LRRC37A2: variants seen among roughly 807,000 people sequenced by gnomAD.
LRRC37A2 encodes the protein leucine-rich repeat-containing protein 37A2.
In LRRC37A2, 9 loss-of-function variants were observed where a neutral mutation model predicts 68.8. That is an observed-to-expected ratio of 0.13 (90% confidence interval 0.08 to 0.23). LRRC37A2 has a LOEUF of 0.23. LRRC37A2 is among the 10% of genes least tolerant of loss of function. The probability of loss-of-function intolerance (pLI) is 1.00; values close to 1 mark genes in which losing one functional copy is unlikely to be tolerated. For synonymous variants in LRRC37A2, 63 were observed against 367.6 expected (o/e 0.17, Z 9.48); for missense variants, 168 against 950.4 (o/e 0.18, Z 10.82).
the LRRC37A2 span, chr17:46,940,595 G>T: frequency 3.1e-6 from 5 of 1,614,172 alleles, no homozygotes; most frequent in Non-Finnish European, 4.2e-6. Context: ...TTGGAGGAAG[G>T]TCTGCAGGGA....
chr17:46,657,480 A>G, the LRRC37A2 span, among the ~76,000 whole-genome samples: 6 of 148,836 alleles, frequency 4.0e-5, no homozygotes, highest in African/African-American at 1.2e-4. Context: ...AAAAATGGGA[A>G]GATAGACTAG....
chr17:46,954,473 G>T, the LRRC37A2 span, among the ~76,000 whole-genome samples: 1 of 152,192 alleles, frequency 6.6e-6, no homozygotes, highest in Admixed American at 6.5e-5. Flanking sequence ...GCAGTGTGAT[G>T]CCTCCAGCTT....
At chr17:46,767,504 C>G in the LRRC37A2 span, among the ~76,000 whole-genome samples, 3 of 152,070 alleles carry the variant, frequency 2.0e-5, no homozygotes, top group Admixed American at 1.3e-4. Context: ...CATTTTGGCT[C>G]GCTGCTTGAG....
At chr17:46,788,188 C>T in the LRRC37A2 span, among the ~76,000 whole-genome samples, 45 of 152,290 alleles carry the variant, frequency 3.0e-4, no homozygotes, top group South Asian at 8.5e-3. Flanking sequence ...TGGAGCTTGG[C>T]CATCTGTTTC....
the LRRC37A2 span, among the ~76,000 whole-genome samples, chr17:46,845,486 T>A: frequency 1.1e-5 from 1 of 88,726 alleles, no homozygotes; most frequent in Non-Finnish European, 2.2e-5. Context: ...GTTATCTGAA[T>A]TTTTTTTTTT....
chr17:47,044,581 A>T, the LRRC37A2 span, among the ~76,000 whole-genome samples: 10 of 151,516 alleles, frequency 6.6e-5, no homozygotes, highest in Non-Finnish European at 1.3e-4. Flanking sequence ...CACGGAAAGC[A>T]AATGTGGCAA....
chr17:46,783,242 C>T, the LRRC37A2 span, among the ~76,000 whole-genome samples: 43 of 152,178 alleles, frequency 2.8e-4, no homozygotes, highest in Admixed American at 8.5e-4. Context: ...AGCAGCTGCC[C>T]GGGCTCTAAG....
At chr17:46,876,134 G>C in the LRRC37A2 span, 1 of 1,047,582 alleles carries the variant, frequency 9.5e-7, no homozygotes, top group Non-Finnish European at 1.4e-6. Flanking sequence ...GAGACCCTGG[G>C]TCTCTTTCCC....
the LRRC37A2 span, among the ~76,000 whole-genome samples, chr17:46,859,285 T>C: frequency 6.6e-6 from 1 of 152,188 alleles, no homozygotes; most frequent in Non-Finnish European, 1.5e-5. Flanking sequence ...CAATCTTAGC[T>C]TTTACCCTTA....
intron 8 of LRRC37A2, among the ~76,000 whole-genome samples, chr17:46,541,339 C>T (rs2145563558): frequency 6.7e-6 from 1 of 149,770 alleles, no homozygotes; most frequent in South Asian, 2.1e-4. Context: ...GCAACCTCCA[C>T]CTCCCAGGTT....
At chr17:46,878,161 G>C in the LRRC37A2 span, among the ~76,000 whole-genome samples, 1 of 152,364 alleles carries the variant, frequency 6.6e-6, no homozygotes, top group Middle Eastern at 3.4e-3. Flanking sequence ...AGTGGGGCCC[G>C]ATGCCACCCA....
chr17:46,923,189 C>A, the LRRC37A2 span: 3 of 1,542,258 alleles, frequency 1.9e-6, no homozygotes, highest in Admixed American at 3.9e-5. Context: ...GCGGGGCCGG[C>A]GACATGGATC....
At chr17:46,940,707 CCA>C in the LRRC37A2 span, 3 of 1,606,012 alleles carry the variant, frequency 1.9e-6, no homozygotes, top group Non-Finnish European at 2.5e-6. Flanking sequence ...CCAGTGCTTT[CCA>C]CACTTGACAG....
the LRRC37A2 span, among the ~76,000 whole-genome samples, chr17:46,838,751 C>T: frequency 1.3e-5 from 2 of 152,178 alleles, no homozygotes; most frequent in South Asian, 2.1e-4. Flanking sequence ...TATCAGCCTT[C>T]AAGCAGATGC....
chr17:46,811,725 C>A, the LRRC37A2 span, among the ~76,000 whole-genome samples: 1 of 152,126 alleles, frequency 6.6e-6, no homozygotes, highest in South Asian at 2.1e-4. Context: ...GAGGCCGAGG[C>A]GGGTGGATTA....
At chr17:46,716,179 C>A in the LRRC37A2 span, among the ~76,000 whole-genome samples, 1 of 151,840 alleles carries the variant, frequency 6.6e-6, no homozygotes, top group African/African-American at 2.4e-5. Context: ...CTAAGTCTTC[C>A]AGGTTGTTTT....
the LRRC37A2 span, among the ~76,000 whole-genome samples, chr17:46,830,292 C>T: frequency 6.6e-6 from 1 of 152,168 alleles, no homozygotes; most frequent in Non-Finnish European, 1.5e-5. Flanking sequence ...CGCTCTGTCG[C>T]CTGGGCTACA....
At chr17:46,788,277 C>T in the LRRC37A2 span, among the ~76,000 whole-genome samples, 1 of 152,166 alleles carries the variant, frequency 6.6e-6, no homozygotes. Flanking sequence ...TCATTTTAAC[C>T]TTGTAACATT....
the LRRC37A2 span, among the ~76,000 whole-genome samples, chr17:46,737,343 GTTAAAT>G: frequency 6.6e-6 from 1 of 152,168 alleles, no homozygotes; most frequent in African/African-American, 2.4e-5. Context: ...AGGATACTTA[GTTAAAT>G]TTAAATTTCA....
Sources: gnomAD v4.1 joint callset for allele counts (sites outside exome capture counted in the v4.1 genomes callset) on GRCh38, gnomAD v4.1.1 for gene constraint, MANE v1.5 for transcripts, NCBI Gene and HGNC (gene_info 2026-07-23, HGNC 2026-07-21) for gene names.